FAM53B: variants seen among roughly 807,000 people sequenced by gnomAD.
FAM53B encodes the protein family with sequence similarity 53 member B.
Under a neutral mutation model 32.7 loss-of-function variants are expected in FAM53B, and 12 were observed. The ratio of observed to expected loss-of-function variants is 0.37; its 90% CI spans 0.24 to 0.59. The LOEUF is 0.59. Among genes scored for constraint, FAM53B ranks in the 20% least tolerant of loss-of-function variants. FAM53B has a pLI of 0.72. For missense variants in FAM53B, 477 were observed against 577.7 expected (o/e 0.83, Z 1.79); for synonymous variants, 234 against 228.7 (o/e 1.02, Z -0.21).
chr10:124,657,152 A>G (rs56343292), intron 4 of FAM53B, among the ~76,000 whole-genome samples: 16,676 of 140,182 alleles, frequency 0.12, 1,355 homozygotes, highest in Middle Eastern at 0.19. Flanking sequence ...ATATATGTGT[A>G]TATATGTGTG....
At chr10:124,624,860 G>A (rs542931208) in intron 4 of FAM53B, among the ~76,000 whole-genome samples, 5 of 152,306 alleles carry the variant, frequency 3.3e-5, no homozygotes, top group South Asian at 4.1e-4. Context: ...GGGCACTCCC[G>A]GCGCAGTCCT....
Position 124,623,062 on chromosome 10 carries a change from G to T in FAM53B, c.*180C>A. On this transcript the variant is annotated 3_prime_UTR_variant, in exon 5 of 5. Coordinates refer to ENST00000337318, the MANE Select transcript of FAM53B (RefSeq NM_014661.4). ...TGAGAGGCTGACACACCCGCTGTATGACGCGGCCAGGCCAGGCTCTCCCCC... is the reference window on the plus strand; with the variant it reads ...TGAGAGGCTGACACACCCGCTGTATTACGCGGCCAGGCCAGGCTCTCCCCC... The T allele has an allele frequency of 1.3e-6, 1 of 764,962 alleles. No individual in the cohort carries two copies. The highest frequency in any genetic ancestry group is 2.0e-6 in the Non-Finnish European group (1 of 488,832). 47.4% of individuals were successfully genotyped at this position (764,962 alleles called of 1,614,324 possible). A position where few individuals can be genotyped will look rare whatever the true frequency, so the allele number is the denominator to read the frequency against.
chr10:124,718,168 C>T (rs1391922855), intron 1 of FAM53B, among the ~76,000 whole-genome samples: 2 of 151,994 alleles, frequency 1.3e-5, no homozygotes, highest in East Asian at 3.9e-4. Context: ...CACACTGGGA[C>T]ATGACAGGTG....
At position 124,648,588 on chromosome 10, in the gene FAM53B, A is replaced by C. The variant is rs1365695135; in HGVS notation, c.907-24984T>G. Among the ~76,000 whole-genome samples, 3 of 152,368 alleles carry C rather than the reference A, an allele frequency of 2.0e-5. No homozygotes were observed. The East Asian group carries it at 5.8e-4, about 29-fold the overall frequency. On this transcript the variant is annotated intron_variant, in intron 4 of 4. Transcript: ENST00000337318. ...CATGGGGCTTCACGAGGGAGAACCC[A>C]CTAGAAATGCAACAGCAGAGCCCTC...
intron 2 of FAM53B, among the ~76,000 whole-genome samples, chr10:124,700,670 C>T (rs1037344297): frequency 6.6e-6 from 1 of 152,216 alleles, no homozygotes; most frequent in African/African-American, 2.4e-5. Context: ...AAGAAAGCAG[C>T]CCTGGCTTAA....
chr10:124,646,756 G>A (rs1949518185), intron 4 of FAM53B, among the ~76,000 whole-genome samples: 1 of 152,240 alleles, frequency 6.6e-6, no homozygotes, highest in South Asian at 2.1e-4. Context: ...CAATACTGGG[G>A]TGATTCATCC....
At chr10:124,638,192 A>AC (rs1949446472) in intron 4 of FAM53B, among the ~76,000 whole-genome samples, 1 of 151,978 alleles carries the variant, frequency 6.6e-6, no homozygotes, top group Admixed American at 6.6e-5. Context: ...ACACAGTGAA[A>AC]CCCCGTCTCT....
intron 1 of FAM53B, among the ~76,000 whole-genome samples, chr10:124,708,249 G>T (rs917056085): frequency 6.6e-6 from 1 of 152,236 alleles, no homozygotes; most frequent in Non-Finnish European, 1.5e-5. Context: ...TTGCTGTCCA[G>T]ATTGTAAATC....
At chr10:124,653,367 G>A (rs534385192) in intron 4 of FAM53B, among the ~76,000 whole-genome samples, 1 of 152,336 alleles carries the variant, frequency 6.6e-6, no homozygotes, top group South Asian at 2.1e-4. Context: ...GCAGGGGCTT[G>A]CCAGAAGGGC....
chr10:124,667,693 T>C (rs6597847), intron 4 of FAM53B, among the ~76,000 whole-genome samples: 140,684 of 152,290 alleles, frequency 0.92, 65,692 homozygotes, highest in Non-Finnish European at 0.99. Context: ...AGGGCTGCTC[T>C]CTCCCTCACT....
intron 4 of FAM53B, among the ~76,000 whole-genome samples, chr10:124,633,830 AG>A (rs1441172214): frequency 6.6e-6 from 1 of 152,246 alleles, no homozygotes; most frequent in African/African-American, 2.4e-5. Context: ...AAGTACTAGA[AG>A]AAAACAGGAG....
intron 4 of FAM53B, among the ~76,000 whole-genome samples, chr10:124,625,025 G>A (rs908794673): frequency 1.3e-5 from 2 of 152,204 alleles, no homozygotes; most frequent in South Asian, 2.1e-4. Flanking sequence ...TGGAGCACCC[G>A]CCGCCTCCCT....
intron 3 of FAM53B, 37 bp downstream of exon 3, chr10:124,696,121 T>C (rs1949867959): frequency 6.3e-7 from 1 of 1,582,982 alleles, no homozygotes; most frequent in Non-Finnish European, 8.7e-7. Flanking sequence ...CTGGAAGGAC[T>C]AGGAGGACAG....
intron 1 of FAM53B, among the ~76,000 whole-genome samples, chr10:124,738,457 G>A (rs1312165284): frequency 6.6e-6 from 1 of 151,454 alleles, no homozygotes; most frequent in Non-Finnish European, 1.5e-5. Context: ...AGAGCACAGG[G>A]GCCCCAGCAC....
chr10:124,705,937 G>A (rs554829221), intron 2 of FAM53B, among the ~76,000 whole-genome samples: 2 of 152,326 alleles, frequency 1.3e-5, no homozygotes, highest in South Asian at 2.1e-4. Context: ...GAGTTCTGAG[G>A]ACTTGCCCAT....
chr10:124,712,233 G>A (rs1287386832), intron 1 of FAM53B, among the ~76,000 whole-genome samples: 1 of 152,096 alleles, frequency 6.6e-6, no homozygotes, highest in East Asian at 1.9e-4. Context: ...GTGCATGCCT[G>A]TGATCCCAGC....
intron 4 of FAM53B, among the ~76,000 whole-genome samples, chr10:124,653,817 A>C (rs1949570235): frequency 6.6e-6 from 1 of 152,214 alleles, no homozygotes; most frequent in African/African-American, 2.4e-5. Flanking sequence ...GGGGGAGTCC[A>C]TGTGTGGCCA....
chr10:124,629,486 C>CAACA (rs1949377319), intron 4 of FAM53B, among the ~76,000 whole-genome samples: 1 of 152,190 alleles, frequency 6.6e-6, no homozygotes. Context: ...AAAGGGCCAT[C>CAACA]AACAAGCCCA....
At chr10:124,644,816 T>G (rs904344707) in intron 4 of FAM53B, among the ~76,000 whole-genome samples, 3 of 152,186 alleles carry the variant, frequency 2.0e-5, no homozygotes, top group African/African-American at 7.2e-5. Flanking sequence ...AGCCAGAGCC[T>G]GCTCTGACAG....
Sources: allele counts gnomAD v4.1 joint callset (sites outside exome capture counted in the v4.1 genomes callset), GRCh38; gene constraint gnomAD v4.1.1; transcripts MANE v1.5; gene names NCBI Gene and HGNC (gene_info 2026-07-23, HGNC 2026-07-21).